CSNK1G1: variants seen among roughly 807,000 people sequenced by gnomAD.
The protein encoded by CSNK1G1 is casein kinase 1 gamma 1, also known as casein kinase I isoform gamma-1.
In CSNK1G1, 22 loss-of-function variants were observed where a neutral mutation model predicts 59.6. That is an observed-to-expected ratio of 0.37 (90% CI 0.26 to 0.53). The LOEUF (loss-of-function observed/expected upper bound fraction) is 0.53, where lower values mean the gene tolerates loss of function less well. Ranked by LOEUF, CSNK1G1 falls within the 20% of genes least tolerant of loss-of-function variation. CSNK1G1 has a pLI of 0.89. For missense variants in CSNK1G1, 384 were observed against 519.5 expected (o/e 0.74, Z 2.54); for synonymous variants, 179 against 177.1 (o/e 1.01, Z -0.08).
chr15:64,298,009 G>C (rs916966790), intron 2 of CSNK1G1, among the ~76,000 whole-genome samples: 5 of 152,184 alleles, frequency 3.3e-5, no homozygotes, highest in African/African-American at 1.2e-4. Flanking sequence ...TTGATAAGCA[G>C]AGAAGAGTAA....
intron 6 of CSNK1G1, among the ~76,000 whole-genome samples, chr15:64,211,606 G>A (rs1316723356): frequency 6.6e-6 from 1 of 152,028 alleles, no homozygotes; most frequent in East Asian, 1.9e-4. Flanking sequence ...TTACAATATG[G>A]ACTGATATTA....
chr15:64,317,956 A>C (rs1596269625), intron 1 of CSNK1G1, among the ~76,000 whole-genome samples: 1 of 152,168 alleles, frequency 6.6e-6, no homozygotes. Flanking sequence ...GATGGAAAGG[A>C]AGCTAGGGGC....
chr15:64,269,245 C>G (rs920676117), intron 2 of CSNK1G1, among the ~76,000 whole-genome samples: 2 of 152,120 alleles, frequency 1.3e-5, no homozygotes, highest in African/African-American at 4.8e-5. Context: ...GAAACAGTTT[C>G]AGTAGAAATG....
intron 2 of CSNK1G1, among the ~76,000 whole-genome samples, chr15:64,268,985 TCTC>T (rs139825631): frequency 0.044 from 6,731 of 152,238 alleles, 194 homozygotes; most frequent in South Asian, 0.085. Flanking sequence ...AGTAGGATAT[TCTC>T]CTTACCATTT....
chr15:64,199,481 T>C (rs539520493), intron 10 of CSNK1G1, among the ~76,000 whole-genome samples: 1 of 152,150 alleles, frequency 6.6e-6, no homozygotes, highest in Non-Finnish European at 1.5e-5. Context: ...TCTCTTTTCC[T>C]CATACTTTAA....
At chr15:64,266,681 A>ACAGAATAGAGAACT (rs1481477387) in intron 2 of CSNK1G1, among the ~76,000 whole-genome samples, 1 of 152,198 alleles carries the variant, frequency 6.6e-6, no homozygotes, top group African/African-American at 2.4e-5. Flanking sequence ...CACAAGTGAA[A>ACAGAATAGAGAACT]CAGAATAGAG....
intron 1 of CSNK1G1, among the ~76,000 whole-genome samples, chr15:64,340,529 A>G (rs978873462): frequency 2.0e-5 from 3 of 152,198 alleles, no homozygotes; most frequent in African/African-American, 7.2e-5. Flanking sequence ...TTTTATTGTT[A>G]TATGATGTGG....
intron 4 of CSNK1G1, among the ~76,000 whole-genome samples, chr15:64,246,179 T>C (rs926187850): frequency 2.0e-5 from 3 of 152,202 alleles, no homozygotes; most frequent in East Asian, 1.9e-4. Flanking sequence ...TAGATATGCA[T>C]GTATCAAAAT....
At chr15:64,201,286 A>G (rs925910885) in intron 10 of CSNK1G1, among the ~76,000 whole-genome samples, 1 of 149,668 alleles carries the variant, frequency 6.7e-6, no homozygotes, top group East Asian at 1.9e-4. Flanking sequence ...AAAAAAAAAA[A>G]AAAAGAAAGA....
intron 1 of CSNK1G1, among the ~76,000 whole-genome samples, chr15:64,336,018 GAAT>G (rs1364550958): frequency 2.6e-5 from 4 of 152,142 alleles, no homozygotes; most frequent in Non-Finnish European, 5.9e-5. Flanking sequence ...GAGCATGAAT[GAAT>G]AATATTCATC....
chr15:64,279,758 G>A (rs1389432693), intron 2 of CSNK1G1, among the ~76,000 whole-genome samples: 4 of 152,146 alleles, frequency 2.6e-5, no homozygotes, highest in African/African-American at 9.6e-5. Flanking sequence ...CGGATCACAA[G>A]GTCAGGAGTT....
chr15:64,291,620 C>T (rs1894748143), intron 2 of CSNK1G1, among the ~76,000 whole-genome samples: 4 of 152,160 alleles, frequency 2.6e-5, no homozygotes. Flanking sequence ...TATGTTTCAT[C>T]TTAAGCCTGC....
chr15:64,350,790 AT>A (rs1898243934), intron 1 of CSNK1G1, among the ~76,000 whole-genome samples: 1 of 152,098 alleles, frequency 6.6e-6, no homozygotes, highest in Admixed American at 6.6e-5. Flanking sequence ...TGGCATCTAA[AT>A]TTTTTTTCCT....
At chr15:64,227,456 T>C (rs142588119) in intron 4 of CSNK1G1, among the ~76,000 whole-genome samples, 77 of 152,316 alleles carry the variant, frequency 5.1e-4, no homozygotes, top group African/African-American at 1.8e-3. Context: ...TTAACAGCAC[T>C]GAAAACTACA....
At chr15:64,189,734 G>C (rs755936669) in intron 10 of CSNK1G1, among the ~76,000 whole-genome samples, 2 of 151,708 alleles carry the variant, frequency 1.3e-5, no homozygotes, top group Non-Finnish European at 2.9e-5. Context: ...TCATTGACAA[G>C]AGTTGCTTAA....
chr15:64,334,310 G>A (rs994695642), intron 1 of CSNK1G1, among the ~76,000 whole-genome samples: 1 of 152,038 alleles, frequency 6.6e-6, no homozygotes, highest in Non-Finnish European at 1.5e-5. Context: ...GAGCCACCGT[G>A]CCCAGCCTAA....
intron 2 of CSNK1G1, among the ~76,000 whole-genome samples, chr15:64,280,383 C>A (rs904747201): frequency 6.6e-6 from 1 of 151,728 alleles, no homozygotes; most frequent in South Asian, 2.1e-4. Context: ...CTCAGACTTA[C>A]CTTTTTTTTT....
intron 1 of CSNK1G1, among the ~76,000 whole-genome samples, chr15:64,301,699 C>T (rs180910572): frequency 8.5e-5 from 13 of 152,210 alleles, no homozygotes; most frequent in Non-Finnish European, 1.9e-4. Flanking sequence ...ACCACCTGGC[C>T]AACATGGCAA....
chr15:64,203,351 AG>A (rs2082133656), intron 9 of CSNK1G1, among the ~76,000 whole-genome samples, 162 bp from the exon 10 acceptor site: 1 of 152,168 alleles, frequency 6.6e-6, no homozygotes, highest in South Asian at 2.1e-4. Context: ...CATCTGCAAA[AG>A]GGAGGCAGCC....
Sources: gnomAD v4.1 joint callset for allele counts (sites outside exome capture counted in the v4.1 genomes callset) on GRCh38, gnomAD v4.1.1 for gene constraint, MANE v1.5 for transcripts, NCBI Gene and HGNC (gene_info 2026-07-23, HGNC 2026-07-21) for gene names.